The following LAMA3 variants were observed in gnomAD, a reference collection of about 807,000 sequenced individuals.
The protein encoded by LAMA3 is laminin subunit alpha 3.
A neutral mutation model predicts 402.0 loss-of-function variants in LAMA3; 281 were observed. That is an observed-to-expected ratio of 0.70 (90% CI 0.63 to 0.77). The LOEUF is 0.77. LAMA3 is among the 30% of genes least tolerant of loss of function. LAMA3 has a pLI of 0.00. For missense variants in LAMA3, 3,840 were observed against 4,215.5 expected, an observed-to-expected ratio of 0.91 and a Z score of 2.47; for synonymous variants, 1,431 against 1,558.4, an observed-to-expected ratio of 0.92 and a Z score of 1.93.
chr18:23,733,945 G>A (rs2061432882), intron 2 of LAMA3, among the ~76,000 whole-genome samples: 1 of 152,208 alleles, frequency 6.6e-6, no homozygotes, highest in Non-Finnish European at 1.5e-5. Context: ...CTGGGAATCT[G>A]CATTTTAACA....
chr18:23,694,400 G>C (rs941026945), intron 1 of LAMA3, among the ~76,000 whole-genome samples: 3 of 152,162 alleles, frequency 2.0e-5, no homozygotes, highest in Admixed American at 1.3e-4. Flanking sequence ...GAGGGGCTTT[G>C]CTCCCCTGCT....
Position 23,839,942 on chromosome 18 carries a change from T to C in LAMA3, c.3336+13T>C, listed in dbSNP as rs781270287. On this transcript the variant is annotated intron_variant, in intron 27 of 74. Coordinates refer to ENST00000313654, the MANE Select transcript of LAMA3 (RefSeq NM_198129.4). The surrounding 1 kb of genome is among the most constrained non-coding windows in gnomAD (Gnocchi z 4.5). ...GAAGGCACCGCAGGTAGTGTGCTGTTTCTAAACCAGTGGTTCTCAAAGTAT... is the reference window on the plus strand; with the variant it reads ...GAAGGCACCGCAGGTAGTGTGCTGTCTCTAAACCAGTGGTTCTCAAAGTAT... 15 of 1,614,048 alleles carry C rather than the reference T, an allele frequency of 9.3e-6. 1 individual carries two copies. In the South Asian group the frequency reaches 1.6e-4, roughly 18 times the overall value.
At chr18:23,791,740 A>G (rs2062659759) in intron 12 of LAMA3, among the ~76,000 whole-genome samples, 1 of 151,176 alleles carries the variant, frequency 6.6e-6, no homozygotes, top group African/African-American at 2.4e-5. Flanking sequence ...TGTCTAAAAA[A>G]AAAAAAAAAA....
intron 25 of LAMA3, among the ~76,000 whole-genome samples, chr18:23,838,399 C>T (rs1259324741): frequency 2.0e-5 from 3 of 152,062 alleles, no homozygotes; most frequent in African/African-American, 4.8e-5. Context: ...GGCTCTCTGG[C>T]CCACACCACA....
rs1331294504 is a variant in LAMA3 at position 23,861,636 on chromosome 18, C to G, written c.4423-10C>G. 2 of 1,614,182 alleles carry G rather than the reference C, an allele frequency of 1.2e-6. No individual in the cohort carries two copies. The highest frequency in any genetic ancestry group is 1.7e-6 in the Non-Finnish European group (2 of 1,180,008). ...ACGTTTCCATCCCTTGCTTCTCTCC[C>G]TCTTTCCAGTTTGTGGATATGCTGG... On this transcript the variant is annotated splice_polypyrimidine_tract_variant and intron_variant, in intron 34 of 74. Transcript: ENST00000313654.
chr18:23,754,750 G>A (rs1239831373), intron 6 of LAMA3, among the ~76,000 whole-genome samples: 1 of 152,138 alleles, frequency 6.6e-6, no homozygotes, highest in Non-Finnish European at 1.5e-5. Flanking sequence ...CTGCAAGAGG[G>A]ATACTTTAAA....
intron 2 of LAMA3, among the ~76,000 whole-genome samples, chr18:23,728,525 G>A (rs1219881213): frequency 6.6e-6 from 1 of 152,078 alleles, no homozygotes; most frequent in Non-Finnish European, 1.5e-5. Context: ...GATCTTCTTA[G>A]CTCTGAGATG....
At chr18:23,827,055 C>T (rs1331220385) in intron 22 of LAMA3, among the ~76,000 whole-genome samples, 2 of 152,214 alleles carry the variant, frequency 1.3e-5, no homozygotes, top group African/African-American at 4.8e-5. Context: ...AGTCAATGCC[C>T]TCAAGGTCAG....
chr18:23,809,038 CATTA>C (rs1368997731), intron 12 of LAMA3, among the ~76,000 whole-genome samples: 1 of 152,188 alleles, frequency 6.6e-6, no homozygotes, highest in Non-Finnish European at 1.5e-5. Flanking sequence ...CATTGATTTT[CATTA>C]ATTCAGTGTG....
At chr18:23,948,722 A>T (rs1175078036) in intron 70 of LAMA3, among the ~76,000 whole-genome samples, 2 of 151,830 alleles carry the variant, frequency 1.3e-5, no homozygotes, top group Non-Finnish European at 2.9e-5. Context: ...GGCACCTGCC[A>T]CCACACCTGG....
At chr18:23,949,959 A>T (rs770095197) in intron 71 of LAMA3, 35 bp downstream of exon 71, 1 of 1,614,004 alleles carries the variant, frequency 6.2e-7, no homozygotes, top group East Asian at 2.2e-5. Context: ...AAGTCTTTGC[A>T]TCTTAAGAAC....
At chr18:23,744,440 T>G (rs553550181) in intron 2 of LAMA3, among the ~76,000 whole-genome samples, 1 of 152,168 alleles carries the variant, frequency 6.6e-6, no homozygotes, top group Non-Finnish European at 1.5e-5. Context: ...GTGCCATCAG[T>G]GGACTTATTA....
At chr18:23,749,661 G>A in intron 4 of LAMA3, 115 bp downstream of exon 4, 6 of 784,124 alleles carry the variant, frequency 7.7e-6, no homozygotes, top group Non-Finnish European at 1.2e-5. Context: ...AGATCAAGAT[G>A]GAAACAGGGC....
chr18:23,694,697 A>G (rs546730553), intron 1 of LAMA3, among the ~76,000 whole-genome samples: 24 of 152,300 alleles, frequency 1.6e-4, no homozygotes, highest in Non-Finnish European at 2.9e-4. Flanking sequence ...CAGACATGCT[A>G]ACTACTCCTT....
rs141043800 is a variant in LAMA3 at position 23,893,497 on chromosome 18, C to T, written c.5411-801C>T. Among the ~76,000 whole-genome samples the T allele has an allele frequency of 3.5e-4, 54 of 152,208 alleles. 1 individual carries two copies. Among genetic ancestry groups the T allele is most frequent in the South Asian group, 1.5e-3 (7 of 4,826 alleles). On this transcript the variant is annotated intron_variant, in intron 42 of 74. Coordinates refer to ENST00000313654, the MANE Select transcript of LAMA3 (RefSeq NM_198129.4). ...ACTTGGGAGGCTGAGGCAGGAGAATCGGTTGAATCTGGGAGGCAGAGATTG... is the reference window on the plus strand; with the variant it reads ...ACTTGGGAGGCTGAGGCAGGAGAATTGGTTGAATCTGGGAGGCAGAGATTG...
chr18:23,913,589 G>C (rs2081509436), intron 56 of LAMA3, among the ~76,000 whole-genome samples: 1 of 152,178 alleles, frequency 6.6e-6, no homozygotes, highest in South Asian at 2.1e-4. Context: ...GAAGAAAAAT[G>C]CTTGAAATAT....
Position 23,813,075 on chromosome 18 carries a change from A to G in LAMA3, c.1760A>G (p.Asp587Gly). The G allele has an allele frequency of 6.2e-7, 1 of 1,609,910 alleles. No individual in the cohort carries two copies. Among genetic ancestry groups the G allele is most frequent in the South Asian group, 1.1e-5 (1 of 90,990 alleles). The change falls in exon 14 of 75, where the codon GAC becomes GGC. Residue 587 changes from aspartate (D) to glycine (G), a missense_variant. This residue lies in a region of LAMA3 where 2,109 missense variants were observed against 2,376.0 expected (regional missense o/e 0.89). Coordinates refer to ENST00000313654, the MANE Select transcript of LAMA3 (RefSeq NM_198129.4). ...PHCQGSSSAC[D>G]PAGTINSNLG... ...TATTCAGGTTCCAGCAGTGCTTGTG[A>G]CCCAGCTGGTACCATCAACTCCAAT...
At chr18:23,927,975 A>G (rs1568355096) in intron 62 of LAMA3, 148 bp from the exon 63 acceptor site, 1 of 707,436 alleles carries the variant, frequency 1.4e-6, no homozygotes, top group Admixed American at 2.0e-5. Context: ...TAAAATAAGT[A>G]GCATTATGGG....
intron 32 of LAMA3, among the ~76,000 whole-genome samples, chr18:23,855,561 G>C (rs2064056334): frequency 6.6e-6 from 1 of 152,222 alleles, no homozygotes; most frequent in South Asian, 2.1e-4. Flanking sequence ...CAAGAAGAGA[G>C]CAGTTGTTAT....
Sources: allele counts gnomAD v4.1 joint callset (sites outside exome capture counted in the v4.1 genomes callset), GRCh38; gene constraint gnomAD v4.1.1; regional missense constraint gnomAD v4.1.1; non-coding constraint Gnocchi (gnomAD v3.1); transcripts MANE v1.5; gene names NCBI Gene and HGNC (gene_info 2026-07-23, HGNC 2026-07-21).